The following LRFN5 variants were observed in gnomAD, a reference collection of about 807,000 sequenced individuals.
LRFN5 encodes the protein leucine rich repeat and fibronectin type III domain containing 5.
LRFN5 carries 24 observed loss-of-function variants against 45.6 expected under a neutral mutation model. The ratio of observed to expected loss-of-function variants is 0.53; its 90% confidence interval spans 0.38 to 0.74. LRFN5 has a LOEUF of 0.74. Ranked by LOEUF, LRFN5 falls within the 30% of genes least tolerant of loss-of-function variation. LRFN5 has a pLI of 0.00. For synonymous variants in LRFN5, 340 were observed against 313.8 expected (o/e 1.08, Z -0.88); for missense variants, 776 against 861.5 (o/e 0.90, Z 1.24).
chr14:41,856,675 A>ATTTTTATTTTTTTTTTTTTT (rs1889472692), intron 2 of LRFN5, among the ~76,000 whole-genome samples: 1 of 18,330 alleles, frequency 5.5e-5, no homozygotes, highest in Non-Finnish European at 1.3e-4. Flanking sequence ...TATTATTATT[A>ATTTTTATTTTTTTTTTTTTT]TTTTTTTTTT....
chr14:41,660,105 A>G (rs1312112926), intron 1 of LRFN5, among the ~76,000 whole-genome samples: 1 of 152,038 alleles, frequency 6.6e-6, no homozygotes, highest in African/African-American at 2.4e-5. Context: ...GGCTCGCTGC[A>G]ACAACTGCTT....
intron 1 of LRFN5, among the ~76,000 whole-genome samples, chr14:41,728,954 T>C (rs1566640042): frequency 6.7e-6 from 1 of 148,756 alleles, no homozygotes; most frequent in Non-Finnish European, 1.5e-5. Context: ...AAAACGTCCC[T>C]TCAGCTCACT....
At chr14:41,781,559 A>AGAAAGAAG (rs1213033399) in intron 2 of LRFN5, among the ~76,000 whole-genome samples, 25 of 7,354 alleles carry the variant, frequency 3.4e-3, no homozygotes, top group African/African-American at 0.014. Context: ...GAAAAGAAAG[A>AGAAAGAAG]GAAAGAAAGA....
chr14:41,744,415 C>CA (rs916961570), intron 1 of LRFN5, among the ~76,000 whole-genome samples: 6 of 151,810 alleles, frequency 4.0e-5, no homozygotes, highest in East Asian at 1.9e-4. Flanking sequence ...CATTTCAATA[C>CA]AAAAAAATTT....
intron 2 of LRFN5, among the ~76,000 whole-genome samples, chr14:41,798,229 A>C (rs1274789200): frequency 6.6e-6 from 1 of 151,922 alleles, no homozygotes; most frequent in African/African-American, 2.4e-5. Flanking sequence ...TTATGAGAAA[A>C]TTTGGGGGAG....
intron 2 of LRFN5, among the ~76,000 whole-genome samples, chr14:41,863,086 G>C (rs1301665846): frequency 3.3e-5 from 5 of 151,832 alleles, no homozygotes; most frequent in Admixed American, 3.3e-4. Flanking sequence ...GGATGGTCTC[G>C]ATCTCCTGAC....
At chr14:41,807,049 T>C (rs1468530753) in intron 2 of LRFN5, among the ~76,000 whole-genome samples, 1 of 152,138 alleles carries the variant, frequency 6.6e-6, no homozygotes, top group Non-Finnish European at 1.5e-5. Context: ...CTAACTTGCA[T>C]GGCTGTTGAA....
intron 1 of LRFN5, among the ~76,000 whole-genome samples, chr14:41,714,271 T>G (rs1158087362): frequency 2.0e-5 from 3 of 152,176 alleles, no homozygotes; most frequent in African/African-American, 7.2e-5. Flanking sequence ...CTTCTTTCTC[T>G]TTCTCTTGGC....
chr14:41,698,551 T>C (rs926170888), intron 1 of LRFN5, among the ~76,000 whole-genome samples: 4 of 152,024 alleles, frequency 2.6e-5, no homozygotes, highest in South Asian at 2.1e-4. Flanking sequence ...GGTATCTATA[T>C]GTTTAAAGCT....
intron 1 of LRFN5, among the ~76,000 whole-genome samples, chr14:41,662,232 C>T (rs1485358413): frequency 2.0e-5 from 3 of 152,070 alleles, no homozygotes; most frequent in East Asian, 3.9e-4. Context: ...TGAGACGTCT[C>T]CTTCACATTT....
chr14:41,829,016 A>G (rs949346501), intron 2 of LRFN5, among the ~76,000 whole-genome samples: 6 of 151,906 alleles, frequency 3.9e-5, no homozygotes, highest in Admixed American at 2.0e-4. Flanking sequence ...CCCACATTTT[A>G]TGACTTAACC....
chr14:41,645,775 T>G (rs1357068095), intron 1 of LRFN5, among the ~76,000 whole-genome samples: 1 of 152,198 alleles, frequency 6.6e-6, no homozygotes, highest in Admixed American at 6.5e-5. Context: ...TTCTTGTAGA[T>G]TGGAAGGGCA....
intron 1 of LRFN5, among the ~76,000 whole-genome samples, chr14:41,710,285 T>C (rs1308397777): frequency 6.6e-6 from 1 of 152,148 alleles, no homozygotes; most frequent in Non-Finnish European, 1.5e-5. Context: ...CTCCAAACAT[T>C]TTGAAAGGAC....
chr14:41,685,560 A>G (rs1882081983), intron 1 of LRFN5, among the ~76,000 whole-genome samples: 1 of 152,054 alleles, frequency 6.6e-6, no homozygotes, highest in South Asian at 2.1e-4. Context: ...CCTGAATGGT[A>G]TTGCCTAGGT....
At chr14:41,867,672 A>G (rs1013859409) in intron 2 of LRFN5, among the ~76,000 whole-genome samples, 1 of 152,022 alleles carries the variant, frequency 6.6e-6, no homozygotes, top group Non-Finnish European at 1.5e-5. Context: ...CTCCTTATGT[A>G]TTTTATCTCC....
chr14:41,729,368 A>G (rs1884072788), intron 1 of LRFN5, among the ~76,000 whole-genome samples: 1 of 152,090 alleles, frequency 6.6e-6, no homozygotes, highest in South Asian at 2.1e-4. Flanking sequence ...CATCATGACT[A>G]TAAGCTTCCA....
chr14:41,843,177 C>A (rs1888925868), intron 2 of LRFN5, among the ~76,000 whole-genome samples: 1 of 148,218 alleles, frequency 6.7e-6, no homozygotes, highest in African/African-American at 2.5e-5. Context: ...CCTTGAATTA[C>A]TGGGCTCAAG....
intron 4 of LRFN5, chr14:41,894,602 TGAA>T: frequency 1.1e-5 from 11 of 977,342 alleles, no homozygotes; most frequent in Non-Finnish European, 1.1e-5. Context: ...TATAAACATA[TGAA>T]GAAATTTTTG....
intron 1 of LRFN5, among the ~76,000 whole-genome samples, chr14:41,666,727 T>C (rs1381705724): frequency 6.6e-6 from 1 of 152,096 alleles, no homozygotes; most frequent in African/African-American, 2.4e-5. Flanking sequence ...TCCTGTTAAA[T>C]TTTTTTGTGG....
Sources: allele counts gnomAD v4.1 joint callset (sites outside exome capture counted in the v4.1 genomes callset), GRCh38; gene constraint gnomAD v4.1.1; transcripts MANE v1.5; gene names NCBI Gene and HGNC (gene_info 2026-07-23, HGNC 2026-07-21).